Variants in ASB13 observed in about 807,000 individuals in gnomAD.
The protein encoded by ASB13 is ankyrin repeat and SOCS box protein 13.
Under a neutral mutation model 28.8 loss-of-function variants are expected in ASB13, and 33 were observed. The ratio of observed to expected loss-of-function variants is 1.15; its 90% CI spans 0.87 to 1.53. The LOEUF (loss-of-function observed/expected upper bound fraction) is 1.53. Among genes scored for constraint, ASB13 ranks in the 40% most tolerant of loss-of-function variants. The pLI is 0.00. For synonymous variants in ASB13, 182 were observed against 172.9 expected (o/e 1.05, Z -0.41); for missense variants, 414 against 390.1 (o/e 1.06, Z -0.52).
intron 4 of ASB13, among the ~76,000 whole-genome samples, chr10:5,646,299 TC>T (rs1229064866): frequency 6.6e-6 from 1 of 152,110 alleles, no homozygotes; most frequent in Non-Finnish European, 1.5e-5. Flanking sequence ...CCTAGTCCAA[TC>T]CCTCTCCCCT....
chr10:5,642,581 T>G lies in ASB13; in HGVS notation c.518-620A>C, dbSNP rs72772136. 3.7e-4 allele frequency: 339 copies of G among 926,596 alleles called. No homozygotes were observed. The highest frequency in any genetic ancestry group is 4.5e-4 in the Non-Finnish European group (327 of 720,832). The allele number at this position is 926,596 out of a possible 1,614,324, so 57.4% of individuals were successfully genotyped here. A position where few individuals can be genotyped will look rare whatever the true frequency, so the allele number is the denominator to read the frequency against. ...GATTAAAAGTAAAGGTAAAAAAAAA[T>G]TTTTTTTTAAAAAAAAGAGCAGACA... is the stretch of plus-strand genomic sequence containing the variant. On this transcript the variant is annotated intron_variant, in intron 4 of 5. Transcript: ENST00000357700. This position sits in a 1 kb window ranked among gnomAD's most constrained non-coding sequence, Gnocchi z 4.1.
At position 5,655,978 on chromosome 10, in the gene ASB13, G is replaced by A. The variant is rs1327839217; in HGVS notation, c.44-2928C>T. 6.6e-6 allele frequency among the ~76,000 whole-genome samples: 1 copy of A among 152,224 alleles called. No homozygotes were observed. The highest frequency in any genetic ancestry group is 1.5e-5 in the Non-Finnish European group (1 of 68,042). On this transcript the variant is annotated intron_variant, in intron 1 of 5. Transcript: ENST00000357700. The surrounding 1 kb of genome is among the most constrained non-coding windows in gnomAD (Gnocchi z 6.2). ...TGCAGCAATAGGCAGCTCACAGTCA[G>A]GGACCAGGGAATAAATGCGCAGATA... is the stretch of plus-strand genomic sequence containing the variant.
intron 1 of ASB13, among the ~76,000 whole-genome samples, chr10:5,665,512 T>C (rs1224980832): frequency 6.6e-6 from 1 of 152,188 alleles, no homozygotes; most frequent in Non-Finnish European, 1.5e-5. Flanking sequence ...AAAATATGTG[T>C]TTAAATAAGC....
At position 5,651,455 on chromosome 10, in the gene ASB13, C is replaced by T; in HGVS notation, c.232-92G>A. ...CTGCAGGTTCATCTTTGCTAAGATG[C>T]TTCTTAGAAGCACCGGTTTGCTTTG... is the stretch of plus-strand genomic sequence containing the variant. On this transcript the variant is annotated intron_variant, in intron 2 of 5. Coordinates refer to ENST00000357700, the MANE Select transcript of ASB13 (RefSeq NM_024701.4). This position sits in a 1 kb window ranked among gnomAD's most constrained non-coding sequence, Gnocchi z 5.1. 7.3e-7 allele frequency: 1 copy of T among 1,368,816 alleles called. No individual in the cohort carries two copies. Among genetic ancestry groups the T allele is most frequent in the Non-Finnish European group, 9.8e-7 (1 of 1,016,844 alleles). The allele number at this position is 1,368,816 out of a possible 1,614,324, so 84.8% of individuals were successfully genotyped here. A position where few individuals can be genotyped will look rare whatever the true frequency, so the allele number is the denominator to read the frequency against.
Position 5,641,157 on chromosome 10 carries a change from A to G in ASB13, c.710-327T>C, listed in dbSNP as rs892486709. ...TACTCTGTCACCCAGGCTGGAGTGC[A>G]GCGGCACAATCTCAGCTCACTGCAA... is the stretch of plus-strand genomic sequence containing the variant. On this transcript the variant is annotated intron_variant, in intron 5 of 5. Coordinates refer to ENST00000357700, the MANE Select transcript of ASB13 (RefSeq NM_024701.4). This position sits in a 1 kb window ranked among gnomAD's most constrained non-coding sequence, Gnocchi z 8.4. Among the ~76,000 whole-genome samples, 4 of 152,192 alleles carry G rather than the reference A, an allele frequency of 2.6e-5. No individual in the cohort carries two copies. Among genetic ancestry groups the G allele is most frequent in the African/African-American group, 9.7e-5 (4 of 41,444 alleles).
chr10:5,642,540 A>C lies in ASB13; in HGVS notation c.518-579T>G. The C allele has an allele frequency of 2.4e-6, 3 of 1,253,762 alleles. No individual in the cohort carries two copies. Among genetic ancestry groups the C allele is most frequent in the South Asian group, 2.7e-5 (2 of 72,926 alleles). The allele number at this position is 1,253,762 out of a possible 1,614,324, so 77.7% of individuals were successfully genotyped here. A position where few individuals can be genotyped will look rare whatever the true frequency, so the allele number is the denominator to read the frequency against. ...TCCTCAACTTTCTCACGATAAGAGC[A>C]GACATTCATCAAGCTGATTAAAAGT... On this transcript the variant is annotated intron_variant, in intron 4 of 5. Transcript: ENST00000357700. The surrounding 1 kb of genome is among the most constrained non-coding windows in gnomAD (Gnocchi z 4.1).
Position 5,660,588 on chromosome 10 carries a change from G to A in ASB13, c.43+5921C>T, listed in dbSNP as rs78149078. Among the ~76,000 whole-genome samples, 7 of 152,168 alleles carry A rather than the reference G, an allele frequency of 4.6e-5. No individual in the cohort carries two copies. Among genetic ancestry groups the A allele is most frequent in the Admixed American group, 4.6e-4 (7 of 15,274 alleles). ...ACCTCGGCCTCCTCTCTCCTCAAAT[G>A]GGTGCTGTGAAGACTGAAGAAAATC... On this transcript the variant is annotated intron_variant, in intron 1 of 5. Transcript: ENST00000357700. This position sits in a 1 kb window ranked among gnomAD's most constrained non-coding sequence, Gnocchi z 6.1.
At position 5,666,491 on chromosome 10, in the gene ASB13, C is replaced by A. The variant is rs1433964245; in HGVS notation, c.43+18G>T. Reference sequence around the variant, plus strand: ...GGCGCCGCTGCCTCGCTCTGACCTCCGCGGCGCCCGCACGTACCCACGTCG... The same window carrying A: ...GGCGCCGCTGCCTCGCTCTGACCTCAGCGGCGCCCGCACGTACCCACGTCG... On this transcript the variant is annotated intron_variant, in intron 1 of 5. Transcript: ENST00000357700. 1 of 1,296,270 alleles carries A rather than the reference C, an allele frequency of 7.7e-7. No individual in the cohort carries two copies. Among genetic ancestry groups the A allele is most frequent in the Non-Finnish European group, 9.8e-7 (1 of 1,016,636 alleles). 80.3% of individuals were successfully genotyped at this position (1,296,270 alleles called of 1,614,324 possible).
Position 5,642,442 on chromosome 10 carries a change from T to A in ASB13, c.518-481A>T. On this transcript the variant is annotated intron_variant, in intron 4 of 5. Transcript: ENST00000357700. The surrounding 1 kb of genome is among the most constrained non-coding windows in gnomAD (Gnocchi z 4.1). Reference sequence around the variant, plus strand: ...AATAAATGTTCCTTAACAATGCATATTCTTTTACAAAAGGAAAACAGATAA... The same window carrying A: ...AATAAATGTTCCTTAACAATGCATAATCTTTTACAAAAGGAAAACAGATAA... 1 of 1,100,240 alleles carries A rather than the reference T, an allele frequency of 9.1e-7. No individual in the cohort carries two copies. Among genetic ancestry groups the A allele is most frequent in the Non-Finnish European group, 1.1e-6 (1 of 871,988 alleles). The allele number at this position is 1,100,240 out of a possible 1,614,324, so 68.2% of individuals were successfully genotyped here.
chr10:5,639,703 C>T lies in ASB13; in HGVS notation c.*1000G>A, dbSNP rs1486407078. 1 of 152,346 alleles carries T rather than the reference C, an allele frequency of 6.6e-6. No homozygotes were observed. Among genetic ancestry groups the T allele is most frequent in the African/African-American group, 2.4e-5 (1 of 41,488 alleles). 9.4% of individuals were successfully genotyped at this position (152,346 alleles called of 1,614,324 possible). On this transcript the variant is annotated 3_prime_UTR_variant, in exon 6 of 6. Transcript: ENST00000357700. ...TCCCGTCCAACTCAAAGCACTGGGA[C>T]AATGCTGGATGTGATAGATGGTCTT...
Position 5,642,436 on chromosome 10 carries a change from T to C in ASB13, c.518-475A>G. The C allele has an allele frequency of 9.9e-7, 1 of 1,005,236 alleles. No individual in the cohort carries two copies. The highest frequency in any genetic ancestry group is 1.3e-6 in the Non-Finnish European group (1 of 787,012). The allele number at this position is 1,005,236 out of a possible 1,614,324, so 62.3% of individuals were successfully genotyped here. On this transcript the variant is annotated intron_variant, in intron 4 of 5. Transcript: ENST00000357700. This position sits in a 1 kb window ranked among gnomAD's most constrained non-coding sequence, Gnocchi z 4.1. Reference sequence around the variant, plus strand: ...TGAAAGAATAAATGTTCCTTAACAATGCATATTCTTTTACAAAAGGAAAAC... The same window carrying C: ...TGAAAGAATAAATGTTCCTTAACAACGCATATTCTTTTACAAAAGGAAAAC...
intron 1 of ASB13, among the ~76,000 whole-genome samples, chr10:5,666,303 C>G (rs1341330789): frequency 6.6e-6 from 1 of 152,166 alleles, no homozygotes; most frequent in Non-Finnish European, 1.5e-5. Context: ...TGGCCTGGGA[C>G]AAGGCACCAG....
In ASB13 at chr10:5,649,803, A is replaced by G. The variant is rs947872474; in HGVS notation, c.383-699T>C. Among the ~76,000 whole-genome samples the G allele has an allele frequency of 6.6e-6, 1 of 151,792 alleles. No homozygotes were observed. Among genetic ancestry groups the G allele is most frequent in the African/African-American group, 2.4e-5 (1 of 41,312 alleles). On this transcript the variant is annotated intron_variant, in intron 3 of 5. Coordinates refer to ENST00000357700, the MANE Select transcript of ASB13 (RefSeq NM_024701.4). The surrounding 1 kb of genome is among the most constrained non-coding windows in gnomAD (Gnocchi z 6.4). Reference sequence around the variant, plus strand: ...AGCCTCCCAAAGTGCTGGGATTACCAAGGGCATGAGCCACAGCGCCCGGCC... The same window carrying G: ...AGCCTCCCAAAGTGCTGGGATTACCGAGGGCATGAGCCACAGCGCCCGGCC...
In ASB13 at chr10:5,649,370, A is replaced by G. The variant is rs1239209165; in HGVS notation, c.383-266T>C. 1.3e-5 allele frequency among the ~76,000 whole-genome samples: 2 copies of G among 152,050 alleles called. No homozygotes were observed. Among genetic ancestry groups the G allele is most frequent in the African/African-American group, 2.4e-5 (1 of 41,394 alleles). ...GCTTCTTGCTGTGAGAACAGAAGAC[A>G]TGGGGCACCACCTAGAATGGGTCAG... On this transcript the variant is annotated intron_variant, in intron 3 of 5. Coordinates refer to ENST00000357700, the MANE Select transcript of ASB13 (RefSeq NM_024701.4). The surrounding 1 kb of genome is among the most constrained non-coding windows in gnomAD (Gnocchi z 6.4).
intron 4 of ASB13, among the ~76,000 whole-genome samples, chr10:5,646,432 A>G (rs1834886935): frequency 6.6e-6 from 1 of 152,264 alleles, no homozygotes; most frequent in African/African-American, 2.4e-5. Flanking sequence ...AAGAGCCTCC[A>G]GAAGGCTTAA....
In ASB13 at chr10:5,664,826, GC is replaced by G. The variant is rs1835231957; in HGVS notation, c.43+1682del. On this transcript the variant is annotated intron_variant, in intron 1 of 5. Coordinates refer to ENST00000357700, the MANE Select transcript of ASB13 (RefSeq NM_024701.4). The surrounding 1 kb of genome is among the most constrained non-coding windows in gnomAD (Gnocchi z 4.2). Reference sequence around the variant, plus strand: ...CTCCCCAGTAGCTGAGATTACAGGTGCCCGCCACTATGCTTGGCTAATTTTT... The same window carrying G: ...CTCCCCAGTAGCTGAGATTACAGGTGCCGCCACTATGCTTGGCTAATTTTT... 6.6e-6 allele frequency among the ~76,000 whole-genome samples: 1 copy of G among 151,666 alleles called. No homozygotes were observed.
In ASB13 at chr10:5,644,124, A is replaced by G. The variant is rs1564214856; in HGVS notation, c.518-2163T>C. Among the ~76,000 whole-genome samples the G allele has an allele frequency of 1.3e-5, 2 of 152,248 alleles. No homozygotes were observed. On this transcript the variant is annotated intron_variant, in intron 4 of 5. Transcript: ENST00000357700. The surrounding 1 kb of genome is among the most constrained non-coding windows in gnomAD (Gnocchi z 5.1). ...GCCAGGGGTGCAGGCAGCTACATGGATGGATCCTGAAAGTATAGCACTGAG... is the reference window on the plus strand; with the variant it reads ...GCCAGGGGTGCAGGCAGCTACATGGGTGGATCCTGAAAGTATAGCACTGAG...
intron 1 of ASB13, 87 bp from the exon 2 acceptor site, chr10:5,653,137 C>T: frequency 7.8e-7 from 1 of 1,288,252 alleles, no homozygotes; most frequent in Non-Finnish European, 1.1e-6. Context: ...GTCCCTGATG[C>T]CACCAAGGCA....
Position 5,658,425 on chromosome 10 carries a change from A to C in ASB13, c.44-5375T>G, listed in dbSNP as rs1297774390. Among the ~76,000 whole-genome samples the C allele has an allele frequency of 1.6e-4, 24 of 151,980 alleles. No homozygotes were observed. Among genetic ancestry groups the C allele is most frequent in the Admixed American group, 1.2e-3 (19 of 15,260 alleles). On this transcript the variant is annotated intron_variant, in intron 1 of 5. Coordinates refer to ENST00000357700, the MANE Select transcript of ASB13 (RefSeq NM_024701.4). This position sits in a 1 kb window ranked among gnomAD's most constrained non-coding sequence, Gnocchi z 4.2. ...CGGCCTGGGTGACTTTGTCTGAAAA[A>C]AAAAAAAAAAACAAAACCAAATAAG...
Sources: gnomAD v4.1 joint callset for allele counts (sites outside exome capture counted in the v4.1 genomes callset) on GRCh38, gnomAD v4.1.1 for gene constraint, Gnocchi (gnomAD v3.1) non-coding constraint, MANE v1.5 for transcripts, NCBI Gene and HGNC (gene_info 2026-07-23, HGNC 2026-07-21) for gene names.